Variants in GRM1 observed in about 807,000 individuals in gnomAD.
GRM1 encodes the protein glutamate metabotropic receptor 1, also known as metabotropic glutamate receptor 1.
GRM1 carries 33 observed loss-of-function variants against 90.9 expected under a neutral mutation model. That is an observed-to-expected ratio of 0.36 (90% CI 0.28 to 0.49). The LOEUF (loss-of-function observed/expected upper bound fraction) is 0.49, where lower values mean the gene tolerates loss of function less well. Among genes scored for constraint, GRM1 ranks in the 20% least tolerant of loss-of-function variants. GRM1 has a pLI of 0.99. For synonymous variants in GRM1, 700 were observed against 613.2 expected (o/e 1.14, Z -2.09); for missense variants, 1,190 against 1,534.3 (o/e 0.78, Z 3.75).
intron 1 of GRM1, among the ~76,000 whole-genome samples, chr6:146,109,511 C>CAGAAGTTTGCTGTAGGG (rs1488644006): frequency 6.6e-6 from 1 of 152,188 alleles, no homozygotes; most frequent in Non-Finnish European, 1.5e-5. Context: ...GATGAACAGG[C>CAGAAGTTTGCTGTAGGG]AGAAGTTTGC....
At chr6:146,340,229 T>C (rs1262429207) in intron 3 of GRM1, among the ~76,000 whole-genome samples, 1 of 152,242 alleles carries the variant, frequency 6.6e-6, no homozygotes, top group Non-Finnish European at 1.5e-5. Flanking sequence ...GGCAGTATCA[T>C]GCTGATCAAT....
chr6:146,110,166 G>A (rs753489183), intron 1 of GRM1, among the ~76,000 whole-genome samples: 6 of 152,126 alleles, frequency 3.9e-5, no homozygotes, highest in Admixed American at 2.6e-4. Context: ...TTTGGGAGGG[G>A]CCAGAGGCAG....
At chr6:146,045,586 C>G (rs1307436459) in intron 1 of GRM1, among the ~76,000 whole-genome samples, 2 of 151,794 alleles carry the variant, frequency 1.3e-5, no homozygotes, top group African/African-American at 4.8e-5. Flanking sequence ...GGCTTCACAT[C>G]AATTCTTAGT....
intron 1 of GRM1, among the ~76,000 whole-genome samples, chr6:146,150,440 A>G (rs1777281348): frequency 6.6e-6 from 1 of 152,206 alleles, no homozygotes; most frequent in Non-Finnish European, 1.5e-5. Flanking sequence ...TTGGATACAT[A>G]ATAGTTTCCC....
chr6:146,160,669 C>G (rs1474753760), intron 2 of GRM1, among the ~76,000 whole-genome samples: 1 of 152,090 alleles, frequency 6.6e-6, no homozygotes, highest in Non-Finnish European at 1.5e-5. Flanking sequence ...TGGACCTTTC[C>G]CTTTTGTCCT....
intron 7 of GRM1, among the ~76,000 whole-genome samples, chr6:146,409,711 T>C (rs559950691): frequency 6.6e-6 from 1 of 152,230 alleles, no homozygotes; most frequent in South Asian, 2.1e-4. Context: ...AGAAAATCAG[T>C]GAGTATTTAA....
At chr6:146,314,222 A>G (rs183352159) in intron 3 of GRM1, among the ~76,000 whole-genome samples, 171 of 150,754 alleles carry the variant, frequency 1.1e-3, no homozygotes, top group African/African-American at 3.8e-3. Context: ...ATGTGCTACC[A>G]TGCCCGATTA....
intron 1 of GRM1, among the ~76,000 whole-genome samples, chr6:146,041,527 C>A (rs1476693424): frequency 6.6e-6 from 1 of 151,924 alleles, no homozygotes; most frequent in African/African-American, 2.4e-5. Context: ...AAGCACTGCC[C>A]ATTCTGGATT....
intron 2 of GRM1, among the ~76,000 whole-genome samples, chr6:146,274,981 G>T (rs1288927997): frequency 3.3e-5 from 5 of 152,138 alleles, no homozygotes; most frequent in Non-Finnish European, 7.3e-5. Context: ...AGGGAGCCAA[G>T]ATCGTGCCAC....
At chr6:146,313,893 A>AT (rs1783862738) in intron 3 of GRM1, among the ~76,000 whole-genome samples, 1 of 151,704 alleles carries the variant, frequency 6.6e-6, no homozygotes, top group Non-Finnish European at 1.5e-5. Context: ...TCACTTATTG[A>AT]TTTTCTGACA....
intron 2 of GRM1, among the ~76,000 whole-genome samples, chr6:146,222,383 A>G (rs1453445942): frequency 6.6e-6 from 1 of 152,072 alleles, no homozygotes; most frequent in Non-Finnish European, 1.5e-5. Flanking sequence ...CCAATAGAAC[A>G]TGTATATTTC....
intron 7 of GRM1, among the ~76,000 whole-genome samples, chr6:146,407,871 G>A (rs992672708): frequency 6.6e-5 from 10 of 152,118 alleles, no homozygotes; most frequent in East Asian, 1.9e-4. Context: ...GGTATAACAC[G>A]TGGTTACAAT....
At chr6:146,074,636 T>C (rs1202926907) in intron 1 of GRM1, among the ~76,000 whole-genome samples, 5 of 152,202 alleles carry the variant, frequency 3.3e-5, no homozygotes, top group Non-Finnish European at 7.3e-5. Flanking sequence ...AATTGTTGTT[T>C]GCTTATAGAA....
chr6:146,261,656 G>A (rs576795775), intron 2 of GRM1, among the ~76,000 whole-genome samples: 1 of 152,208 alleles, frequency 6.6e-6, no homozygotes, highest in African/African-American at 2.4e-5. Context: ...TAGGAAAGTA[G>A]CCCTAAGCCT....
At chr6:146,109,564 G>A (rs556791763) in intron 1 of GRM1, among the ~76,000 whole-genome samples, 7 of 152,332 alleles carry the variant, frequency 4.6e-5, no homozygotes, top group Middle Eastern at 3.4e-3. Context: ...CTAGGGCAGC[G>A]CAGAAGGGAA....
intron 2 of GRM1, among the ~76,000 whole-genome samples, chr6:146,192,180 T>C (rs1314399853): frequency 1.3e-5 from 2 of 152,206 alleles, no homozygotes; most frequent in Admixed American, 1.3e-4. Flanking sequence ...TGTTCTGCCA[T>C]CCTCCTTTTA....
intron 5 of GRM1, among the ~76,000 whole-genome samples, chr6:146,358,620 G>A (rs1476594594): frequency 6.6e-6 from 1 of 152,164 alleles, no homozygotes; most frequent in African/African-American, 2.4e-5. Flanking sequence ...TTGCTTGGGA[G>A]CTGCAAAAAC....
At chr6:146,383,139 A>T (rs1187951127) in intron 5 of GRM1, among the ~76,000 whole-genome samples, 1 of 152,196 alleles carries the variant, frequency 6.6e-6, no homozygotes, top group Non-Finnish European at 1.5e-5. Flanking sequence ...AAGAAAGAGG[A>T]TTAAAAAACT....
intron 2 of GRM1, among the ~76,000 whole-genome samples, chr6:146,182,831 A>G (rs1778599289): frequency 6.6e-6 from 1 of 152,160 alleles, no homozygotes; most frequent in East Asian, 1.9e-4. Context: ...CCAAAGATCA[A>G]ATATCCTAGA....
Sources: gnomAD v4.1 joint callset for allele counts (sites outside exome capture counted in the v4.1 genomes callset) on GRCh38, gnomAD v4.1.1 for gene constraint, MANE v1.5 for transcripts, NCBI Gene and HGNC (gene_info 2026-07-23, HGNC 2026-07-21) for gene names.